Variants in THSD7B observed in about 807,000 individuals in gnomAD.
The protein encoded by THSD7B is thrombospondin type 1 domain containing 7B, also known as thrombospondin type-1 domain-containing protein 7B.
THSD7B carries 138 observed loss-of-function variants against 213.6 expected under a neutral mutation model. The observed-to-expected ratio is 0.65, with a 90% CI of 0.56 to 0.74. The LOEUF (loss-of-function observed/expected upper bound fraction) is 0.74, where lower values mean the gene tolerates loss of function less well. THSD7B is among the 30% of genes least tolerant of loss of function. The pLI is 0.00. For synonymous variants in THSD7B, 742 were observed against 687.0 expected, an observed-to-expected ratio of 1.08 and a Z score of -1.25; for missense variants, 1,931 against 1,991.5, an observed-to-expected ratio of 0.97 and a Z score of 0.58.
intron 1 of THSD7B, among the ~76,000 whole-genome samples, chr2:136,827,852 T>G (rs1174509844): frequency 6.6e-6 from 1 of 152,190 alleles, no homozygotes; most frequent in Non-Finnish European, 1.5e-5. Context: ...ACATATTTTG[T>G]GCTTTGAACC....
chr2:137,063,403 G>T (rs1322824858), intron 3 of THSD7B, among the ~76,000 whole-genome samples: 1 of 151,346 alleles, frequency 6.6e-6, no homozygotes, highest in African/African-American at 2.4e-5. Flanking sequence ...GCTGTTGTAG[G>T]TGCATAGTAG....
At chr2:136,886,468 G>T (rs920982024) in intron 2 of THSD7B, among the ~76,000 whole-genome samples, 4 of 152,084 alleles carry the variant, frequency 2.6e-5, no homozygotes, top group African/African-American at 4.8e-5. Flanking sequence ...TATATTTAAG[G>T]CCACAGTTAT....
At chr2:137,670,233 C>T in intron 27 of THSD7B, among the ~76,000 whole-genome samples, 1 of 152,118 alleles carries the variant, frequency 6.6e-6, no homozygotes, top group South Asian at 2.1e-4. Flanking sequence ...CAGCCAGATT[C>T]GTCTTTCTGA....
chr2:136,770,446 T>C (rs1681484663), intron 1 of THSD7B, among the ~76,000 whole-genome samples: 1 of 152,170 alleles, frequency 6.6e-6, no homozygotes, highest in Admixed American at 6.5e-5. Flanking sequence ...TTGTAAAATA[T>C]TGAAATACTT....
chr2:137,467,023 A>G (rs538727565), intron 15 of THSD7B, among the ~76,000 whole-genome samples: 14 of 152,118 alleles, frequency 9.2e-5, no homozygotes, highest in Middle Eastern at 3.4e-3. Context: ...AATTCTCCCA[A>G]TGCCTCCCCA....
intron 14 of THSD7B, among the ~76,000 whole-genome samples, chr2:137,429,122 A>G (rs1417731770): frequency 6.6e-6 from 1 of 152,216 alleles, no homozygotes; most frequent in African/African-American, 2.4e-5. Flanking sequence ...GGACTAAGAC[A>G]TTTATGGAGA....
intron 15 of THSD7B, among the ~76,000 whole-genome samples, chr2:137,457,121 A>G (rs1367095899): frequency 6.6e-6 from 1 of 152,120 alleles, no homozygotes; most frequent in Non-Finnish European, 1.5e-5. Context: ...GTATCCACAC[A>G]CACCCTATTG....
At position 137,329,974 on chromosome 2, in the gene THSD7B, G is replaced by C. The variant is rs376737545; in HGVS notation, c.2500+53948G>C. Reference sequence around the variant, plus strand: ...GTATGCAGTCTTGGGACTTGATGCCGTGCATCTCAGCTGCTCCAGGCATGG... The same window carrying C: ...GTATGCAGTCTTGGGACTTGATGCCCTGCATCTCAGCTGCTCCAGGCATGG... On this transcript the variant is annotated intron_variant, in intron 12 of 27. Coordinates refer to ENST00000409968, the MANE Select transcript of THSD7B (RefSeq NM_001316349.2). 5.9e-5 allele frequency among the ~76,000 whole-genome samples: 9 copies of C among 152,288 alleles called. No individual in the cohort carries two copies. In the East Asian group the frequency reaches 1.5e-3, roughly 26 times the overall value.
At chr2:137,419,812 G>A (rs13016969) in intron 14 of THSD7B, among the ~76,000 whole-genome samples, 59,601 of 151,468 alleles carry the variant, frequency 0.39, 13,918 homozygotes, top group East Asian at 0.61. Flanking sequence ...TGTCTGCCTA[G>A]GATTTGTCTG....
chr2:137,665,512 G>A (rs2104825384), intron 26 of THSD7B, among the ~76,000 whole-genome samples: 1 of 151,984 alleles, frequency 6.6e-6, no homozygotes, highest in Non-Finnish European at 1.5e-5. Flanking sequence ...GGTCTTGGGA[G>A]AGTTTACAAC....
intron 5 of THSD7B, among the ~76,000 whole-genome samples, chr2:137,140,976 T>A (rs1422505154): frequency 1.3e-5 from 2 of 152,054 alleles, no homozygotes; most frequent in African/African-American, 4.8e-5. Flanking sequence ...GAGACTTAAG[T>A]AAGGAAGTGA....
intron 7 of THSD7B, among the ~76,000 whole-genome samples, chr2:137,226,713 G>GT (rs1321540679): frequency 6.6e-6 from 1 of 151,672 alleles, no homozygotes; most frequent in Admixed American, 6.6e-5. Flanking sequence ...AGTGATAAAT[G>GT]TGACTCCAGA....
At chr2:137,316,204 G>A (rs979348003) in intron 12 of THSD7B, among the ~76,000 whole-genome samples, 3 of 152,016 alleles carry the variant, frequency 2.0e-5, no homozygotes, top group Non-Finnish European at 2.9e-5. Context: ...ATGTGTGGGC[G>A]AAAAAAATAC....
chr2:137,269,155 A>G (rs1399243216), intron 10 of THSD7B, among the ~76,000 whole-genome samples: 2 of 152,150 alleles, frequency 1.3e-5, no homozygotes, highest in African/African-American at 4.8e-5. Flanking sequence ...CTTCAAAGAC[A>G]TATACATTTT....
intron 5 of THSD7B, among the ~76,000 whole-genome samples, chr2:137,129,478 C>T (rs1197723855): frequency 3.3e-5 from 5 of 151,906 alleles, no homozygotes; most frequent in South Asian, 2.1e-4. Context: ...CTCACTCTGT[C>T]ACCCAGGCTG....
intron 15 of THSD7B, among the ~76,000 whole-genome samples, chr2:137,542,245 A>G (rs1023638428): frequency 5.9e-5 from 9 of 151,712 alleles, no homozygotes; most frequent in African/African-American, 2.2e-4. Flanking sequence ...CAATATCAGG[A>G]TTAACATCTG....
intron 17 of THSD7B, among the ~76,000 whole-genome samples, chr2:137,598,914 G>A (rs1455442672): frequency 6.8e-6 from 1 of 146,444 alleles, no homozygotes; most frequent in Admixed American, 6.9e-5. Context: ...TTAAGTTTTA[G>A]GGTACATGTG....
At chr2:137,297,617 A>G (rs890879269) in intron 12 of THSD7B, among the ~76,000 whole-genome samples, 7 of 152,074 alleles carry the variant, frequency 4.6e-5, no homozygotes, top group Non-Finnish European at 1.0e-4. Context: ...CCCAAATCTC[A>G]ACTTGAATTT....
intron 1 of THSD7B, among the ~76,000 whole-genome samples, chr2:136,862,670 C>T (rs548733690): frequency 4.3e-4 from 65 of 152,284 alleles, no homozygotes; most frequent in African/African-American, 1.5e-3. Context: ...GATGAAGCGT[C>T]CTTTATGCTA....
Sources: gnomAD v4.1 joint callset for allele counts (sites outside exome capture counted in the v4.1 genomes callset) on GRCh38, gnomAD v4.1.1 for gene constraint, MANE v1.5 for transcripts, NCBI Gene and HGNC (gene_info 2026-07-23, HGNC 2026-07-21) for gene names.